The following DOCK5 variants were observed in gnomAD, a reference collection of about 807,000 sequenced individuals.
The protein encoded by DOCK5 is dedicator of cytokinesis protein 5.
A neutral mutation model predicts 251.8 loss-of-function variants in DOCK5; 142 were observed. That is an observed-to-expected ratio of 0.56 (90% CI 0.49 to 0.65). DOCK5 has a LOEUF of 0.65. Ranked by LOEUF, DOCK5 falls within the 30% of genes least tolerant of loss-of-function variation. The pLI, the probability that DOCK5 is intolerant of heterozygous loss-of-function variation, is 0.00. For synonymous variants in DOCK5, 842 were observed against 835.5 expected (o/e 1.01, Z -0.13); for missense variants, 2,111 against 2,312.3 (o/e 0.91, Z 1.79).
At chr8:25,387,976 A>G (rs544423383) in intron 40 of DOCK5, among the ~76,000 whole-genome samples, 46 of 152,294 alleles carry the variant, frequency 3.0e-4, no homozygotes, top group Non-Finnish European at 6.0e-4. Context: ...TTTCATCTGA[A>G]TGATGGAATT....
At chr8:25,244,960 A>T (rs2117549108) in intron 2 of DOCK5, among the ~76,000 whole-genome samples, 1 of 152,304 alleles carries the variant, frequency 6.6e-6, no homozygotes, top group African/African-American at 2.4e-5. Context: ...AGGCCCAGCC[A>T]AAGCATCAAT....
At chr8:25,249,783 G>A (rs1288653757) in intron 2 of DOCK5, among the ~76,000 whole-genome samples, 3 of 152,132 alleles carry the variant, frequency 2.0e-5, no homozygotes, top group Non-Finnish European at 4.4e-5. Context: ...ACAGGGTCTC[G>A]CTATGTTACT....
At position 25,317,423 on chromosome 8, in the gene DOCK5, CTTAG is replaced by C. The variant is rs778544334; in HGVS notation, c.1443+297_1443+300del. The stretch of plus-strand genomic sequence containing the variant: ...TGCAGATGTTATTTATCGTTTTCAA[CTTAG>C]TTAGCCACTTTCAAGCTTGATCAGT... On this transcript the variant is annotated intron_variant, in intron 14 of 51. Transcript: ENST00000276440. The C allele has an allele frequency of 8.5e-4, 212 of 247,960 alleles. 2 individuals are homozygous for C. Among genetic ancestry groups the C allele is most frequent in the Middle Eastern group, 3.0e-3 (2 of 672 alleles). 15.4% of individuals were successfully genotyped at this position (247,960 alleles called of 1,614,324 possible). A position where few individuals can be genotyped will look rare whatever the true frequency, so the allele number is the denominator to read the frequency against.
intron 7 of DOCK5, among the ~76,000 whole-genome samples, chr8:25,298,309 T>A (rs376407425): frequency 1.3e-5 from 2 of 152,058 alleles, no homozygotes; most frequent in South Asian, 2.1e-4. Flanking sequence ...TTAATGAGAG[T>A]TATTTCTTTA....
intron 16 of DOCK5, among the ~76,000 whole-genome samples, chr8:25,322,823 C>T (rs1447359319): frequency 6.6e-6 from 1 of 152,150 alleles, no homozygotes; most frequent in African/African-American, 2.4e-5. Flanking sequence ...ATCATGAAGG[C>T]TGAAGATGTT....
In DOCK5 at chr8:25,368,684, C is replaced by G. The variant is rs1467932460; in HGVS notation, c.3397C>G (p.Gln1133Glu). The change falls in exon 33 of 52, where the codon CAG becomes GAG. Residue 1133 changes from glutamine (Q) to glutamate (E), a missense_variant. Transcript: ENST00000276440. ...ATIPIFFDMM[Q>E]CEFNFSGNGN... ...AATCCCCATTTTCTTTGATATGATG[C>G]AGTGTGAGTTCAATTTCAGTGGAAA... The G allele has an allele frequency of 6.2e-7, 1 of 1,613,692 alleles. No homozygotes were observed. The highest frequency in any genetic ancestry group is 1.1e-5 in the South Asian group (1 of 90,994).
chr8:25,390,922 C>T (rs1293972462), intron 42 of DOCK5, among the ~76,000 whole-genome samples: 3 of 152,056 alleles, frequency 2.0e-5, no homozygotes, highest in African/African-American at 7.2e-5. Context: ...AATTCTCCTG[C>T]CTCAGCCTCC....
At chr8:25,323,261 G>T (rs913728038) in intron 16 of DOCK5, among the ~76,000 whole-genome samples, 1 of 152,196 alleles carries the variant, frequency 6.6e-6, no homozygotes, top group Non-Finnish European at 1.5e-5. Context: ...GAAGGGTAAA[G>T]AAACTTTGGG....
chr8:25,358,476 A>C (rs768167933), intron 27 of DOCK5, among the ~76,000 whole-genome samples: 1 of 152,186 alleles, frequency 6.6e-6, no homozygotes, highest in Non-Finnish European at 1.5e-5. Flanking sequence ...ACACAGCCAA[A>C]GCATATCACA....
At chr8:25,376,462 G>A in intron 37 of DOCK5, 1 of 685,528 alleles carries the variant, frequency 1.5e-6, no homozygotes, top group Non-Finnish European at 1.8e-6. Flanking sequence ...TCATGTACCA[G>A]TACCATACTG....
rs569873419 is a variant in DOCK5 at position 25,325,099 on chromosome 8, C to T, written c.1720-265C>T. Among the ~76,000 whole-genome samples the T allele has an allele frequency of 5.5e-4, 84 of 152,164 alleles. 1 individual carries two copies. Among genetic ancestry groups the T allele is most frequent in the South Asian group, 1.2e-3 (6 of 4,818 alleles). ...GAAGAAAATGAAATTTAACCTTATT[C>T]TGAAATATGTGTATTTACTCTAACA... On this transcript the variant is annotated intron_variant, in intron 17 of 51. Coordinates refer to ENST00000276440, the MANE Select transcript of DOCK5 (RefSeq NM_024940.8).
At chr8:25,231,142 A>G (rs1384122339) in intron 1 of DOCK5, among the ~76,000 whole-genome samples, 6 of 152,078 alleles carry the variant, frequency 3.9e-5, no homozygotes, top group Admixed American at 2.0e-4. Flanking sequence ...AAGACTTGGT[A>G]TTATATCTAA....
chr8:25,380,500 C>T, intron 39 of DOCK5, 106 bp downstream of exon 39: 1 of 972,744 alleles, frequency 1.0e-6, no homozygotes. Flanking sequence ...TGTTTTTTTA[C>T]AATGGAAAAG....
In DOCK5 at chr8:25,392,901, G is replaced by A; in HGVS notation, c.4527+19G>A. ...TTCAACAGTGAGTCATTTGAAATTG[G>A]CATTTAGAAAAAAACTTTCTGTTTC... On this transcript the variant is annotated intron_variant, in intron 44 of 51. Coordinates refer to ENST00000276440, the MANE Select transcript of DOCK5 (RefSeq NM_024940.8). The A allele has an allele frequency of 6.3e-7, 1 of 1,588,846 alleles. No individual in the cohort carries two copies. The highest frequency in any genetic ancestry group is 8.6e-7 in the Non-Finnish European group (1 of 1,163,812).
intron 36 of DOCK5, 91 bp from the exon 37 acceptor site, chr8:25,374,473 G>A: frequency 8.2e-7 from 1 of 1,220,740 alleles, no homozygotes; most frequent in Non-Finnish European, 1.2e-6. Flanking sequence ...CTGCAGCCTG[G>A]GCAATACAGC....
intron 2 of DOCK5, among the ~76,000 whole-genome samples, chr8:25,267,283 C>T (rs1411715987): frequency 1.3e-5 from 2 of 152,142 alleles, no homozygotes; most frequent in Admixed American, 6.5e-5. Context: ...TGCCTTGATG[C>T]AAGCCACAAT....
chr8:25,318,915 G>A (rs1422621085), intron 14 of DOCK5, among the ~76,000 whole-genome samples: 1 of 152,168 alleles, frequency 6.6e-6, no homozygotes, highest in Non-Finnish European at 1.5e-5. Context: ...TAGCTAGGCA[G>A]TTTACTAAGG....
At chr8:25,262,878 G>A (rs1004021789) in intron 2 of DOCK5, among the ~76,000 whole-genome samples, 2 of 150,862 alleles carry the variant, frequency 1.3e-5, no homozygotes, top group African/African-American at 2.5e-5. Flanking sequence ...GGAATGCAGC[G>A]GCATGATCTC....
At chr8:25,377,075 C>A (rs1332061237) in intron 37 of DOCK5, among the ~76,000 whole-genome samples, 2 of 152,134 alleles carry the variant, frequency 1.3e-5, no homozygotes, top group African/African-American at 2.4e-5. Context: ...CAGTTAGCGA[C>A]CTTGCTTTGT....
Sources: allele counts gnomAD v4.1 joint callset (sites outside exome capture counted in the v4.1 genomes callset), GRCh38; gene constraint gnomAD v4.1.1; transcripts MANE v1.5; gene names NCBI Gene and HGNC (gene_info 2026-07-23, HGNC 2026-07-21).